ALK: variants seen among roughly 807,000 people sequenced by gnomAD.
The protein encoded by ALK is ALK receptor tyrosine kinase, also known as ALK tyrosine kinase receptor.
ALK carries 74 observed loss-of-function variants against 163.1 expected under a neutral mutation model. The observed-to-expected ratio is 0.45, with a 90% CI of 0.38 to 0.55. The LOEUF is 0.55. Ranked by LOEUF, ALK falls within the 20% of genes least tolerant of loss-of-function variation. The pLI is 0.00. For synonymous variants in ALK, 960 were observed against 843.2 expected, an observed-to-expected ratio of 1.14 and a Z score of -2.40; for missense variants, 2,063 against 2,105.3, an observed-to-expected ratio of 0.98 and a Z score of 0.39.
chr2:29,767,343 G>A (rs1271995076), intron 1 of ALK, among the ~76,000 whole-genome samples: 1 of 152,162 alleles, frequency 6.6e-6, no homozygotes, highest in Non-Finnish European at 1.5e-5. Flanking sequence ...GGGCTCAGCA[G>A]GATAAATGAC....
rs956217053 is a variant in ALK, at chr2:29,545,734, C to T, written c.953-13618G>A. ...TGTATTGCTTTTCTGCACCTTCATT[C>T]GGAAGCACTTTGAAGAGAAATGGTA... On this transcript the variant is annotated intron_variant, in intron 3 of 28. Coordinates refer to ENST00000389048, the MANE Select transcript of ALK (RefSeq NM_004304.5). Among the ~76,000 whole-genome samples the T allele has an allele frequency of 8.5e-5, 13 of 152,244 alleles. No individual in the cohort carries two copies. The East Asian group carries it at 1.9e-3, about 23-fold the overall frequency.
At chr2:29,313,685 T>C (rs1336583638) in intron 8 of ALK, among the ~76,000 whole-genome samples, 2 of 152,110 alleles carry the variant, frequency 1.3e-5, no homozygotes, top group Non-Finnish European at 2.9e-5. Flanking sequence ...CTGTGGGTCT[T>C]GAGGTGAATT....
chr2:29,841,786 T>C (rs1430435146), intron 1 of ALK, among the ~76,000 whole-genome samples: 5 of 152,170 alleles, frequency 3.3e-5, no homozygotes, highest in Non-Finnish European at 7.4e-5. Flanking sequence ...CGAAACTAGT[T>C]TATCCAAAAA....
intron 3 of ALK, among the ~76,000 whole-genome samples, chr2:29,561,729 A>G (rs1674027576): frequency 6.6e-6 from 1 of 152,168 alleles, no homozygotes; most frequent in Non-Finnish European, 1.5e-5. Context: ...AAAATATCAT[A>G]CGATATGTTT....
At chr2:29,275,287 T>A in intron 10 of ALK, 60 bp from the exon 11 acceptor site, 1 of 1,611,796 alleles carries the variant, frequency 6.2e-7, no homozygotes, top group Non-Finnish European at 8.5e-7. Context: ...GGGTGAGAGA[T>A]GATTTCACAC....
At chr2:29,436,327 C>A (rs1386908460) in intron 4 of ALK, among the ~76,000 whole-genome samples, 1 of 152,222 alleles carries the variant, frequency 6.6e-6, no homozygotes, top group Non-Finnish European at 1.5e-5. Context: ...GCACGGTGCA[C>A]TGGCAGAGGG....
intron 24 of ALK, among the ~76,000 whole-genome samples, chr2:29,213,132 A>G (rs1430968857): frequency 6.6e-6 from 1 of 152,234 alleles, no homozygotes; most frequent in African/African-American, 2.4e-5. Flanking sequence ...TATTTACTAC[A>G]TTAGAGGCAA....
intron 4 of ALK, among the ~76,000 whole-genome samples, chr2:29,464,291 C>A (rs570271834): frequency 2.0e-5 from 3 of 152,100 alleles, no homozygotes; most frequent in Non-Finnish European, 2.9e-5. Context: ...TTATTATAAA[C>A]CTTATAAATA....
At chr2:29,754,414 T>TC (rs1329030315) in intron 1 of ALK, among the ~76,000 whole-genome samples, 1 of 152,154 alleles carries the variant, frequency 6.6e-6, no homozygotes, top group Non-Finnish European at 1.5e-5. Context: ...CTGCTTGCCC[T>TC]CACTGAGTTT....
At chr2:29,404,928 T>G (rs551750320) in intron 4 of ALK, among the ~76,000 whole-genome samples, 1 of 152,320 alleles carries the variant, frequency 6.6e-6, no homozygotes, top group Admixed American at 6.5e-5. Flanking sequence ...GAGAATTTCT[T>G]GTAGGGGACG....
At chr2:29,396,987 T>C (rs75294218) in intron 4 of ALK, among the ~76,000 whole-genome samples, 1,636 of 152,006 alleles carry the variant, frequency 0.011, 28 homozygotes, top group African/African-American at 0.037. Context: ...TCTGAGAAGT[T>C]TTTGGAAAAG....
chr2:29,257,201 TCAAA>T (rs560471220), intron 11 of ALK, among the ~76,000 whole-genome samples: 8 of 150,674 alleles, frequency 5.3e-5, no homozygotes, highest in Non-Finnish European at 7.4e-5. Context: ...TCCTCTTCTC[TCAAA>T]CAAACAAACC....
rs140989600 is a variant in ALK, at chr2:29,315,628, G to A, written c.1647+2676C>T. Among the ~76,000 whole-genome samples the A allele has an allele frequency of 5.9e-5, 9 of 152,216 alleles. No homozygotes were observed. The East Asian group carries it at 9.7e-4, about 16-fold the overall frequency. ...TGCAGAGCCCTGGGCCCCACTCTTC[G>A]CGATGTCATTCAGTAGGTCCAGGGT... On this transcript the variant is annotated intron_variant, in intron 8 of 28. Coordinates refer to ENST00000389048, the MANE Select transcript of ALK (RefSeq NM_004304.5).
At chr2:29,588,722 T>C (rs1674962751) in intron 3 of ALK, among the ~76,000 whole-genome samples, 1 of 152,196 alleles carries the variant, frequency 6.6e-6, no homozygotes, top group Non-Finnish European at 1.5e-5. Context: ...CCACAGACAA[T>C]ATGTAAGCAA....
At chr2:29,711,772 C>T (rs1350190524) in intron 2 of ALK, among the ~76,000 whole-genome samples, 1 of 152,148 alleles carries the variant, frequency 6.6e-6, no homozygotes, top group Non-Finnish European at 1.5e-5. Context: ...GCGACCCCTA[C>T]TTTTGTGTCT....
At chr2:29,349,608 T>C (rs1170627092) in intron 5 of ALK, among the ~76,000 whole-genome samples, 1 of 152,116 alleles carries the variant, frequency 6.6e-6, no homozygotes, top group Non-Finnish European at 1.5e-5. Flanking sequence ...AGTGCAAAAA[T>C]CAGGGCAGCT....
intron 1 of ALK, among the ~76,000 whole-genome samples, chr2:29,811,457 T>C (rs1444009082): frequency 1.3e-5 from 2 of 152,112 alleles, no homozygotes; most frequent in Non-Finnish European, 2.9e-5. Flanking sequence ...GAGGATTAGA[T>C]CAAATGTAAT....
chr2:29,589,430 G>C (rs191692053), intron 3 of ALK, among the ~76,000 whole-genome samples: 1 of 152,184 alleles, frequency 6.6e-6, no homozygotes, highest in East Asian at 1.9e-4. Context: ...GCAAGGACAG[G>C]TTCAGGAAAA....
intron 3 of ALK, among the ~76,000 whole-genome samples, chr2:29,551,245 A>G (rs987875431): frequency 1.3e-5 from 2 of 152,208 alleles, no homozygotes; most frequent in Admixed American, 1.3e-4. Context: ...AGAAATGGTA[A>G]ATGTTCAATA....
Sources: gnomAD v4.1 joint callset for allele counts (sites outside exome capture counted in the v4.1 genomes callset) on GRCh38, gnomAD v4.1.1 for gene constraint, MANE v1.5 for transcripts, NCBI Gene and HGNC (gene_info 2026-07-23, HGNC 2026-07-21) for gene names.